The following RTP2 variants were observed in gnomAD, a reference collection of about 807,000 sequenced individuals.
RTP2 encodes receptor transporter protein 2, also known as receptor-transporting protein 2.
A neutral mutation model predicts 17.9 loss-of-function variants in RTP2; 12 were observed. That is an observed-to-expected ratio of 0.67 (90% CI 0.43 to 1.09). The LOEUF (loss-of-function observed/expected upper bound fraction) is 1.09, where lower values mean the gene tolerates loss of function less well. RTP2 is among the 50% of genes least tolerant of loss of function. The pLI is 0.00. For synonymous variants in RTP2, 126 were observed against 117.7 expected (o/e 1.07, Z -0.46); for missense variants, 327 against 295.7 (o/e 1.11, Z -0.78).
At chr3:187,714,446 G>A in the RTP2 span, among the ~76,000 whole-genome samples, 1 of 152,226 alleles carries the variant, frequency 6.6e-6, no homozygotes, top group African/African-American at 2.4e-5. Flanking sequence ...CTGAGATGAC[G>A]AAGAGGATTT....
At chr3:187,705,675 C>A (rs1182361111), upstream of RTP2, among the ~76,000 whole-genome samples, 4 of 152,112 alleles carry the variant, frequency 2.6e-5, no homozygotes, top group African/African-American at 9.7e-5. Context: ...AAACAGGTCA[C>A]CTTCCAAAGA....
chr3:187,699,232 A>C (rs1215855607), intron 1 of RTP2, among the ~76,000 whole-genome samples: 3 of 152,076 alleles, frequency 2.0e-5, no homozygotes, highest in African/African-American at 7.2e-5. Context: ...CCAGTGCCGG[A>C]GCCATCTGGC....
chr3:187,698,543 GA>G lies in RTP2; in HGVS notation c.632del (p.Leu211ProfsTer20). ...GGAAGGAGAACTGCAGGTAAACAAC[GA>G]GCAGGCAGAGAGAGGCCCAGAAGAG... is the stretch of plus-strand genomic sequence containing the variant. On this transcript the variant is annotated frameshift_variant, in exon 2 of 2. Transcript: ENST00000358241. LOFTEE classifies it high-confidence loss of function. 4 of 1,613,816 alleles carry G rather than the reference GA, an allele frequency of 2.5e-6. No homozygotes were observed. The Middle Eastern group carries it at 6.6e-4, about 266-fold the overall frequency.
chr3:187,714,966 A>G, the RTP2 span, among the ~76,000 whole-genome samples: 2 of 94,836 alleles, frequency 2.1e-5, no homozygotes, highest in Non-Finnish European at 4.5e-5. Flanking sequence ...GTACGTTAGG[A>G]AAAAAAAAAC....
At chr3:187,702,218 G>A (rs1014539873) in exon 1 of RTP2, 34 of 1,310,606 alleles carry the variant, frequency 2.6e-5, no homozygotes, top group Admixed American at 1.5e-4. Flanking sequence ...CAGTGTCTAC[G>A]GTCAGAATCC....
At chr3:187,700,881 GT>G (rs1452035707) in intron 1 of RTP2, among the ~76,000 whole-genome samples, 2 of 152,058 alleles carry the variant, frequency 1.3e-5, no homozygotes, top group Non-Finnish European at 2.9e-5. Flanking sequence ...CCAACCTCTG[GT>G]TTTCTGTCTT....
At chr3:187,707,832 CG>C in the RTP2 span, among the ~76,000 whole-genome samples, 1 of 152,148 alleles carries the variant, frequency 6.6e-6, no homozygotes, top group Non-Finnish European at 1.5e-5. Context: ...ACACACTTGC[CG>C]TGAATTCTAA....
intron 1 of RTP2, among the ~76,000 whole-genome samples, chr3:187,699,334 A>T (rs1717783339): frequency 6.6e-6 from 1 of 152,112 alleles, no homozygotes; most frequent in Non-Finnish European, 1.5e-5. Flanking sequence ...GTGCAGGGTC[A>T]TCCCCCCCTC....
At chr3:187,715,193 C>A in the RTP2 span, among the ~76,000 whole-genome samples, 2 of 152,124 alleles carry the variant, frequency 1.3e-5, no homozygotes, top group Non-Finnish European at 2.9e-5. Context: ...TGTGTAATCT[C>A]AAGTTTGAAA....
At chr3:187,712,838 G>C in the RTP2 span, among the ~76,000 whole-genome samples, 1 of 152,186 alleles carries the variant, frequency 6.6e-6, no homozygotes, top group Admixed American at 6.5e-5. Context: ...CCTTGTCACT[G>C]TTTCCAAAAG....
At chr3:187,707,121 G>A (rs1251124878), upstream of RTP2, among the ~76,000 whole-genome samples, 4 of 152,206 alleles carry the variant, frequency 2.6e-5, no homozygotes, top group African/African-American at 7.2e-5. Context: ...ATCTACACAT[G>A]GCCTTTCTAT....
At chr3:187,701,459 A>T (rs1358542768) in intron 1 of RTP2, among the ~76,000 whole-genome samples, 6 of 152,228 alleles carry the variant, frequency 3.9e-5, no homozygotes, top group African/African-American at 1.4e-4. Context: ...AGGGAAACAG[A>T]CTTGCCAAGT....
chr3:187,702,363 C>T, exon 1 of RTP2: 1 of 563,288 alleles, frequency 1.8e-6, no homozygotes, highest in East Asian at 3.4e-5. Flanking sequence ...AGTTTCAGGG[C>T]CCTGAGTTAG....
At chr3:187,705,105 G>A (rs770762443), upstream of RTP2, among the ~76,000 whole-genome samples, 3 of 151,938 alleles carry the variant, frequency 2.0e-5, no homozygotes, top group Non-Finnish European at 2.9e-5. Context: ...ATTTGGTGAC[G>A]AATCTATTAT....
the RTP2 span, among the ~76,000 whole-genome samples, chr3:187,714,157 C>G: frequency 6.6e-6 from 1 of 152,106 alleles, no homozygotes; most frequent in African/African-American, 2.4e-5. Context: ...TTAAGTGAAC[C>G]CTTGGAGATG....
Position 187,701,967 on chromosome 3 carries a change from G to C in RTP2, c.162C>G (p.Gly54=), listed in dbSNP as rs753172930. Residue 54 remains glycine, a splice_region_variant and synonymous_variant, in exon 1 of 2, where the codon GGC becomes GGG. Coordinates refer to ENST00000358241, the Ensembl canonical transcript of RTP2. ...TCCCTCCCCACTGAACCTCTCACCTGCCTGAGGCGTGCTGCTCCAGGTACT... is the reference window on the plus strand; with the variant it reads ...TCCCTCCCCACTGAACCTCTCACCTCCCTGAGGCGTGCTGCTCCAGGTACT... 4.4e-6 allele frequency: 7 copies of C among 1,592,596 alleles called. No individual in the cohort carries two copies. The South Asian group carries it at 5.7e-5, about 13-fold the overall frequency.
chr3:187,714,082 C>A, the RTP2 span, among the ~76,000 whole-genome samples: 4 of 152,306 alleles, frequency 2.6e-5, no homozygotes, highest in East Asian at 1.9e-4. Context: ...CCTCTCCGAA[C>A]CTCAGTTTTG....
chr3:187,701,429 A>G (rs1717843364), intron 1 of RTP2, among the ~76,000 whole-genome samples: 1 of 152,242 alleles, frequency 6.6e-6, no homozygotes, highest in African/African-American at 2.4e-5. Flanking sequence ...TTTTGTAAAT[A>G]TAAAAACTGA....
At chr3:187,700,596 G>C (rs954199645) in intron 1 of RTP2, among the ~76,000 whole-genome samples, 5 of 152,184 alleles carry the variant, frequency 3.3e-5, no homozygotes, top group African/African-American at 1.2e-4. Context: ...TATGTTTTCA[G>C]TCTCCTTCTA....
Sources: gnomAD v4.1 joint callset for allele counts (sites outside exome capture counted in the v4.1 genomes callset) on GRCh38, gnomAD v4.1.1 for gene constraint, MANE v1.5 for transcripts, NCBI Gene and HGNC (gene_info 2026-07-23, HGNC 2026-07-21) for gene names.